Variants in AP2A2 observed in about 807,000 individuals in gnomAD.
AP2A2 encodes adaptor related protein complex 2 subunit alpha 2.
AP2A2 carries 32 observed loss-of-function variants against 104.2 expected under a neutral mutation model. The ratio of observed to expected loss-of-function variants is 0.31; its 90% CI spans 0.23 to 0.41. The LOEUF is 0.41. Among genes scored for constraint, AP2A2 ranks in the 10% least tolerant of loss-of-function variants. The pLI, the probability that AP2A2 is intolerant of heterozygous loss-of-function variation, is 1.00. For missense variants in AP2A2, 912 were observed against 1,261.0 expected (o/e 0.72, Z 4.19); for synonymous variants, 539 against 533.3 (o/e 1.01, Z -0.15).
In AP2A2 at chr11:968,503, C is replaced by T. The variant is rs1854703269; in HGVS notation, c.137-1666C>T. Among the ~76,000 whole-genome samples, 1 of 152,162 alleles carries T rather than the reference C, an allele frequency of 6.6e-6. No homozygotes were observed. The highest frequency in any genetic ancestry group is 6.5e-5 in the Admixed American group (1 of 15,284). ...TCAGCCCAGTCGGGCCGCTGGTCCT[C>T]TCCCCTGTCAGTTATTTTTTCCTTT... is the stretch of plus-strand genomic sequence containing the variant. On this transcript the variant is annotated intron_variant, in intron 2 of 21. Transcript: ENST00000448903. This position sits in a 1 kb window ranked among gnomAD's most constrained non-coding sequence, Gnocchi z 4.2.
At chr11:959,303 C>G (rs1854348018) in intron 1 of AP2A2, 134 bp from the exon 2 acceptor site, 1 of 669,802 alleles carries the variant, frequency 1.5e-6, no homozygotes, top group Non-Finnish European at 2.6e-6. Flanking sequence ...AGGCAGGTGT[C>G]TGCTTCGGCT....
intron 4 of AP2A2, among the ~76,000 whole-genome samples, chr11:976,698 T>G (rs1589984916): frequency 6.9e-6 from 1 of 145,856 alleles, no homozygotes; most frequent in Non-Finnish European, 1.5e-5. Context: ...GGGGTGAGGG[T>G]GGGCGTGGGG....
At chr11:975,176 T>A (rs1466631385) in intron 4 of AP2A2, among the ~76,000 whole-genome samples, 1 of 151,886 alleles carries the variant, frequency 6.6e-6, no homozygotes, top group African/African-American at 2.4e-5. Context: ...ATGGACGGAG[T>A]TGGTGGAAAG....
Position 988,415 on chromosome 11 carries a change from C to A in AP2A2, c.1132-137C>A. The A allele has an allele frequency of 5.3e-6, 6 of 1,141,084 alleles. No individual in the cohort carries two copies. The South Asian group carries it at 5.5e-5, about 11-fold the overall frequency. 70.7% of individuals were successfully genotyped at this position (1,141,084 alleles called of 1,614,324 possible). A position where few individuals can be genotyped will look rare whatever the true frequency, so the allele number is the denominator to read the frequency against. ...AGACACACGTGGCCCGAGTGCAGGT[C>A]GGCTCCCTGGACCTGGATGTGCATG... On this transcript the variant is annotated intron_variant, in intron 9 of 21. Transcript: ENST00000448903.
intron 15 of AP2A2, chr11:1,001,499 A>C (rs1484165278): frequency 1.3e-5 from 2 of 152,200 alleles, no homozygotes; most frequent in African/African-American, 4.8e-5. Flanking sequence ...AGACTGTAAT[A>C]GAGTTCTGGT....
In AP2A2 at chr11:950,279, A is replaced by T. The variant is rs1263566357; in HGVS notation, c.68-9158A>T. Reference sequence around the variant, plus strand: ...AAACTATGAGACTCCTACCAAAAAAACAGGAGTAAGTTTCTGTGACTTTGG... The same window carrying T: ...AAACTATGAGACTCCTACCAAAAAATCAGGAGTAAGTTTCTGTGACTTTGG... On this transcript the variant is annotated intron_variant, in intron 1 of 21. Transcript: ENST00000448903. 3.9e-5 allele frequency among the ~76,000 whole-genome samples: 6 copies of T among 151,990 alleles called. No individual in the cohort carries two copies. The East Asian group carries it at 1.2e-3, about 29-fold the overall frequency.
rs371126256 is a variant in AP2A2 at position 1,010,567 on chromosome 11, G to A, written c.2762G>A (p.Arg921His). 5.0e-6 allele frequency: 8 copies of A among 1,595,282 alleles called. No homozygotes were observed. The highest frequency in any genetic ancestry group is 1.7e-5 in the Admixed American group (1 of 57,630). ...TTTCAGATGTACCGGCTCACGCTGC[G>A]CACAAGTAAGGAAGCCGTTTCTCAG... ...LQAQMYRLTL[R>H]TSKEAVSQRL... The change falls in exon 22 of 22, where the codon CGC (arginine) becomes CAC (histidine). Residue 921 changes from arginine to histidine, a missense_variant. Around this residue, in one of 7 missense-constraint regions of AP2A2, gnomAD observed 239 missense variants for 329.8 expected, o/e 0.72. Coordinates refer to ENST00000448903, the MANE Select transcript of AP2A2 (RefSeq NM_012305.4).
intron 1 of AP2A2, among the ~76,000 whole-genome samples, chr11:928,899 T>C (rs1479322480): frequency 3.3e-5 from 5 of 152,072 alleles, no homozygotes; most frequent in African/African-American, 1.2e-4. Flanking sequence ...TTCACCTGAG[T>C]GGCCCCATCT....
chr11:967,289 C>T (rs1436845536), intron 2 of AP2A2, among the ~76,000 whole-genome samples: 1 of 152,214 alleles, frequency 6.6e-6, no homozygotes, highest in African/African-American at 2.4e-5. Flanking sequence ...GCTCATGAAC[C>T]TGTGTTGTGA....
At chr11:933,732 A>C in intron 1 of AP2A2, 1 of 443,004 alleles carries the variant, frequency 2.3e-6, no homozygotes, top group Non-Finnish European at 4.6e-6. Flanking sequence ...GTGGGCACTC[A>C]GGAGCGGGGA....
At chr11:977,949 G>A (rs1293396206) in intron 5 of AP2A2, among the ~76,000 whole-genome samples, 5 of 152,142 alleles carry the variant, frequency 3.3e-5, no homozygotes, top group East Asian at 1.9e-4. Context: ...CCATCCTGGC[G>A]GGGGAGCCTT....
Position 1,009,726 on chromosome 11 carries a change from A to G in AP2A2, c.2651A>G (p.Asn884Ser), listed in dbSNP as rs1446986023. Residue 884 changes from asparagine to serine, a missense_variant, in exon 21 of 22, where the codon AAT (asparagine) becomes AGT (serine). Asn to Ser is a conservative substitution (Grantham distance 46, BLOSUM62 1). Transcript: ENST00000448903. ...GCACTTCTTGAAGAAGTTGATCCTA[A>G]TCCTGCGAATTTCGTGGGAGCTGGA... ...GSALLEEVDP[N>S]PANFVGAGII... 3 of 1,563,232 alleles carry G rather than the reference A, an allele frequency of 1.9e-6. No individual in the cohort carries two copies. The highest frequency in any genetic ancestry group is 2.6e-6 in the Non-Finnish European group (3 of 1,152,964).
Position 992,782 on chromosome 11 carries a change from G to T in AP2A2, c.1452+97G>T, listed in dbSNP as rs903617748. On this transcript the variant is annotated intron_variant, in intron 11 of 21. Transcript: ENST00000448903. The surrounding 1 kb of genome is among the most constrained non-coding windows in gnomAD (Gnocchi z 6.4). ...GCCTGCCTGCGTGGAGGTGCCGAGG[G>T]CCGTTGCTGACCCCTCTTGCCCCTC... is the stretch of plus-strand genomic sequence containing the variant. The T allele has an allele frequency of 7.2e-6, 10 of 1,387,090 alleles. No individual in the cohort carries two copies. Among genetic ancestry groups the T allele is most frequent in the Non-Finnish European group, 1.0e-5 (10 of 996,520 alleles). The allele number at this position is 1,387,090 out of a possible 1,614,324, so 85.9% of individuals were successfully genotyped here.
At chr11:928,616 G>A (rs1221870635) in intron 1 of AP2A2, among the ~76,000 whole-genome samples, 2 of 152,238 alleles carry the variant, frequency 1.3e-5, no homozygotes, top group Non-Finnish European at 2.9e-5. Context: ...GTTGTGATAA[G>A]GAACAATGTC....
chr11:976,185 G>A (rs953927819), intron 4 of AP2A2, among the ~76,000 whole-genome samples: 2 of 152,226 alleles, frequency 1.3e-5, no homozygotes. Context: ...GCTCTGGGCT[G>A]ATCTGGTGAG....
chr11:975,388 T>C (rs935176132), intron 4 of AP2A2, among the ~76,000 whole-genome samples: 2 of 145,586 alleles, frequency 1.4e-5, no homozygotes, highest in Non-Finnish European at 1.5e-5. Flanking sequence ...CGAGCCGACA[T>C]TAGTGAGTAG....
At chr11:948,272 T>G (rs948180789) in intron 1 of AP2A2, 1 of 152,222 alleles carries the variant, frequency 6.6e-6, no homozygotes, top group East Asian at 1.9e-4. Context: ...GAGGGGAGAT[T>G]ATTATTCACC....
At chr11:942,031 A>C (rs1421006988) in intron 1 of AP2A2, among the ~76,000 whole-genome samples, 4 of 151,870 alleles carry the variant, frequency 2.6e-5, no homozygotes, top group African/African-American at 9.7e-5. Context: ...GGTTCACTCC[A>C]TTCTCCTGCC....
intron 14 of AP2A2, among the ~76,000 whole-genome samples, chr11:997,740 T>A (rs1004961120): frequency 2.0e-5 from 3 of 151,916 alleles, no homozygotes; most frequent in African/African-American, 7.2e-5. Context: ...CCCCGTCTCT[T>A]CTAAAAATAC....
Sources: allele counts gnomAD v4.1 joint callset (sites outside exome capture counted in the v4.1 genomes callset), GRCh38; gene constraint gnomAD v4.1.1; regional missense constraint gnomAD v4.1.1; non-coding constraint Gnocchi (gnomAD v3.1); transcripts MANE v1.5; gene names NCBI Gene and HGNC (gene_info 2026-07-23, HGNC 2026-07-21).